HMGCLL1: variants seen among roughly 807,000 people sequenced by gnomAD.
The protein encoded by HMGCLL1 is 3-hydroxy-3-methylglutaryl-CoA lyase like 1.
Under a neutral mutation model 39.1 loss-of-function variants are expected in HMGCLL1, and 36 were observed. That is an observed-to-expected ratio of 0.92 (90% CI 0.71 to 1.22). The LOEUF is 1.22. HMGCLL1 is among the 50% of genes most tolerant of loss of function. The pLI is 0.00. For synonymous variants in HMGCLL1, 149 were observed against 144.0 expected (o/e 1.03, Z -0.25); for missense variants, 451 against 416.5 (o/e 1.08, Z -0.72).
chr6:55,578,718 G>T (rs1040201111), intron 1 of HMGCLL1, among the ~76,000 whole-genome samples: 2 of 152,214 alleles, frequency 1.3e-5, no homozygotes, highest in Admixed American at 1.3e-4. Flanking sequence ...ATGGTCACAG[G>T]CAGGGATTTT....
At chr6:55,567,350 T>C (rs958922476) in intron 1 of HMGCLL1, among the ~76,000 whole-genome samples, 12 of 152,098 alleles carry the variant, frequency 7.9e-5, no homozygotes, top group Admixed American at 3.9e-4. Flanking sequence ...ATAGATTAGA[T>C]AGATGGATGA....
chr6:55,668,911 GA>G, the HMGCLL1 span, among the ~76,000 whole-genome samples: 1 of 151,826 alleles, frequency 6.6e-6, no homozygotes, highest in East Asian at 1.9e-4. Context: ...TCCAGGGAGG[GA>G]AACCTTCCTT....
the HMGCLL1 span, among the ~76,000 whole-genome samples, chr6:55,653,531 A>G: frequency 6.6e-6 from 1 of 151,812 alleles, no homozygotes; most frequent in African/African-American, 2.4e-5. Flanking sequence ...TATATCATAA[A>G]CCAGGACTAG....
intron 7 of HMGCLL1, among the ~76,000 whole-genome samples, chr6:55,493,733 GTTTTTGTTTTTTT>G (rs1581853252): frequency 4.3e-5 from 4 of 93,458 alleles, no homozygotes. Context: ...TTTTGTTTTT[GTTTTTGTTTTTTT>G]TTTTGAGAAG....
chr6:55,673,524 C>T, the HMGCLL1 span, among the ~76,000 whole-genome samples: 222 of 151,920 alleles, frequency 1.5e-3, 2 homozygotes, highest in Middle Eastern at 0.014. Context: ...TACACAAGGG[C>T]GAACGAACAT....
intron 5 of HMGCLL1, among the ~76,000 whole-genome samples, chr6:55,511,395 T>TTG (rs1333425531): frequency 6.6e-6 from 1 of 152,022 alleles, no homozygotes; most frequent in Non-Finnish European, 1.5e-5. Context: ...CATGCATGTG[T>TTG]TGTGTGTGTG....
At chr6:55,577,541 C>T (rs1348747659) in intron 1 of HMGCLL1, among the ~76,000 whole-genome samples, 1 of 152,074 alleles carries the variant, frequency 6.6e-6, no homozygotes, top group Non-Finnish European at 1.5e-5. Context: ...ATTTAACCTG[C>T]TTCCATATCT....
At position 55,579,166 on chromosome 6, in the gene HMGCLL1, T is replaced by TG. The variant is rs901237870; in HGVS notation, c.-112dup. ...TCGGGAGCGCGCCCCTCCGGTGCAC[T>TG]GGCTGTGAGGACCAGAGCTGTTCTG... On this transcript the variant is annotated 5_prime_UTR_variant, in exon 1 of 9. Transcript: ENST00000274901. 5 of 787,684 alleles carry TG rather than the reference T, an allele frequency of 6.3e-6. No homozygotes were observed. In the African/African-American group the frequency reaches 8.5e-5, roughly 13 times the overall value. 48.8% of individuals were successfully genotyped at this position (787,684 alleles called of 1,614,324 possible).
the HMGCLL1 span, among the ~76,000 whole-genome samples, chr6:55,657,094 T>C: frequency 6.6e-6 from 1 of 152,076 alleles, no homozygotes; most frequent in African/African-American, 2.4e-5. Flanking sequence ...AGATGCTGGA[T>C]ATTATACCTT....
the HMGCLL1 span, among the ~76,000 whole-genome samples, chr6:55,650,144 CACACAT>C: frequency 2.7e-5 from 2 of 74,820 alleles, no homozygotes; most frequent in Non-Finnish European, 5.3e-5. Flanking sequence ...TACACACACA[CACACAT>C]ATGTATATAT....
chr6:55,676,102 A>G, the HMGCLL1 span, among the ~76,000 whole-genome samples: 914 of 152,286 alleles, frequency 6.0e-3, 10 homozygotes, highest in African/African-American at 0.021. Context: ...AGCACACTAC[A>G]TATTTTTAGA....
chr6:55,583,891 A>T (rs1055504866), upstream of HMGCLL1, among the ~76,000 whole-genome samples: 1 of 152,170 alleles, frequency 6.6e-6, no homozygotes, highest in Non-Finnish European at 1.5e-5. Context: ...ATGCATGATG[A>T]CACTTGCTTT....
At chr6:55,462,324 C>A (rs1404493341) in intron 7 of HMGCLL1, among the ~76,000 whole-genome samples, 1 of 152,044 alleles carries the variant, frequency 6.6e-6, no homozygotes, top group Non-Finnish European at 1.5e-5. Flanking sequence ...GAAATAACTT[C>A]CTTCCTTCCT....
chr6:55,591,688 T>G, the HMGCLL1 span, among the ~76,000 whole-genome samples: 1 of 151,854 alleles, frequency 6.6e-6, no homozygotes, highest in Admixed American at 6.6e-5. Context: ...AAGGAAGTTT[T>G]TTTTTTTTTT....
intron 5 of HMGCLL1, chr6:55,512,049 C>T (rs1200692937): frequency 6.6e-6 from 1 of 152,042 alleles, no homozygotes; most frequent in African/African-American, 2.4e-5. Flanking sequence ...TCTGATGAGG[C>T]AATATTATTT....
Position 55,516,498 on chromosome 6 carries a change from G to A in HMGCLL1, c.393+10C>T. ...CCTATCAATTTTAGAGATATTAGTA[G>A]CACACTTACAGCATGGTGAAAACCC... is the stretch of plus-strand genomic sequence containing the variant. On this transcript the variant is annotated intron_variant, in intron 4 of 8. Coordinates refer to ENST00000274901, the MANE Select transcript of HMGCLL1 (RefSeq NM_001042406.2). The A allele has an allele frequency of 1.9e-6, 3 of 1,554,156 alleles. No homozygotes were observed. Among genetic ancestry groups the A allele is most frequent in the Non-Finnish European group, 2.6e-6 (3 of 1,132,734 alleles).
the HMGCLL1 span, among the ~76,000 whole-genome samples, chr6:55,643,636 G>T: frequency 6.6e-6 from 1 of 151,752 alleles, no homozygotes; most frequent in African/African-American, 2.4e-5. Flanking sequence ...CCAACCTGTG[G>T]TGACTATCTT....
At chr6:55,524,463 T>TAAAAAAAAAAA (rs376524274) in intron 3 of HMGCLL1, among the ~76,000 whole-genome samples, 1 of 134,536 alleles carries the variant, frequency 7.4e-6, no homozygotes, top group South Asian at 2.4e-4. Context: ...TTATAGTCTT[T>TAAAAAAAAAAA]AAAAAAAAAA....
chr6:55,532,481 T>C (rs1176272538), intron 3 of HMGCLL1, among the ~76,000 whole-genome samples: 1 of 152,000 alleles, frequency 6.6e-6, no homozygotes, highest in Non-Finnish European at 1.5e-5. Flanking sequence ...TTTTATTGCA[T>C]ATTAACCTTA....
Sources: gnomAD v4.1 joint callset for allele counts (sites outside exome capture counted in the v4.1 genomes callset) on GRCh38, gnomAD v4.1.1 for gene constraint, MANE v1.5 for transcripts, NCBI Gene and HGNC (gene_info 2026-07-23, HGNC 2026-07-21) for gene names.